CGN: variants seen among roughly 807,000 people sequenced by gnomAD.
CGN encodes the protein cingulin.
Under a neutral mutation model 157.1 loss-of-function variants are expected in CGN, and 121 were observed. That is an observed-to-expected ratio of 0.77 (90% confidence interval 0.66 to 0.90). CGN has a LOEUF of 0.90. CGN is among the 40% of genes least tolerant of loss of function. The probability of loss-of-function intolerance (pLI) is 0.00; values close to 1 mark genes in which losing one functional copy is unlikely to be tolerated. For synonymous variants in CGN, 535 were observed against 607.5 expected (o/e 0.88, Z 1.76); for missense variants, 1,424 against 1,520.9 (o/e 0.94, Z 1.06).
At position 151,530,630 on chromosome 1, in the gene CGN, C is replaced by G. The variant is rs1249422208; in HGVS notation, c.2455C>G (p.Leu819Val). 2 of 1,604,970 alleles carry G rather than the reference C, an allele frequency of 1.2e-6. No individual in the cohort carries two copies. Among genetic ancestry groups the G allele is most frequent in the African/African-American group, 1.3e-5 (1 of 74,726 alleles). Residue 819 changes from leucine (L) to valine (V), a missense_variant, in exon 13 of 21, where the codon CTG becomes GTG. Around this residue, in one of 3 missense-constraint regions of CGN, gnomAD observed 1,187 missense variants for 1,217.6 expected, o/e 0.97. Coordinates refer to ENST00000271636, the MANE Select transcript of CGN (RefSeq NM_020770.3). Reference sequence around the variant, plus strand: ...CCGCCTGGGGCAGGAGCAGCAGACACTGAACCGGGCCCTGGAGGAGGAAGG... The same window carrying G: ...CCGCCTGGGGCAGGAGCAGCAGACAGTGAACCGGGCCCTGGAGGAGGAAGG... ...LARLGQEQQT[L>V]NRALEEEGKQ...
chr1:151,537,465 C>A lies in CGN; in HGVS notation c.*119C>A. 5 of 812,620 alleles carry A rather than the reference C, an allele frequency of 6.2e-6. No homozygotes were observed. The highest frequency in any genetic ancestry group is 9.3e-6 in the Non-Finnish European group (5 of 537,774). The allele number at this position is 812,620 out of a possible 1,614,324, so 50.3% of individuals were successfully genotyped here. Reference sequence around the variant, plus strand: ...GTGACCCAATTATTCAGACCTAAGACAGGGAGGGGTCAGAGTGATGGTGAT... The same window carrying A: ...GTGACCCAATTATTCAGACCTAAGAAAGGGAGGGGTCAGAGTGATGGTGAT... On this transcript the variant is annotated 3_prime_UTR_variant, in exon 21 of 21. Coordinates refer to ENST00000271636, the MANE Select transcript of CGN (RefSeq NM_020770.3).
intron 18 of CGN, 45 bp downstream of exon 18, chr1:151,535,943 C>T: frequency 6.8e-7 from 1 of 1,463,472 alleles, no homozygotes. Context: ...CCTTTTCTTC[C>T]TCCCTCCCTC....
chr1:151,513,574 A>G (rs922270992), intron 1 of CGN, among the ~76,000 whole-genome samples: 4 of 152,160 alleles, frequency 2.6e-5, no homozygotes, highest in East Asian at 1.9e-4. Context: ...AAATCTGCCA[A>G]TTATTTAGCA....
At chr1:151,536,162 G>A (rs1664963883) in intron 18 of CGN, 75 bp from the exon 19 acceptor site, 1 of 944,286 alleles carries the variant, frequency 1.1e-6, no homozygotes, top group Non-Finnish European at 1.7e-6. Flanking sequence ...AGGAGTCCTT[G>A]GGGACAGTAG....
intron 1 of CGN, among the ~76,000 whole-genome samples, chr1:151,515,854 G>A (rs1664398228): frequency 6.6e-6 from 1 of 152,172 alleles, no homozygotes. Context: ...CTCTAGCCCA[G>A]TGCATTTTCT....
At chr1:151,536,377 C>G (rs537457538) in intron 19 of CGN, 32 bp downstream of exon 19, 2 of 1,213,172 alleles carry the variant, frequency 1.6e-6, no homozygotes, top group Admixed American at 1.7e-5. Flanking sequence ...GCCAAGCAAC[C>G]TGGGGCAGGT....
At position 151,511,598 on chromosome 1, in the gene CGN, G is replaced by C. The variant is rs1226905940; in HGVS notation, c.-15+83G>C. ...CCTTTGAGGGGCAGGCATCGAGGCG[G>C]TGTGAGATGCCCCTCTCCAGGGCAC... On this transcript the variant is annotated intron_variant, in intron 1 of 20. Transcript: ENST00000271636. The surrounding 1 kb of genome is among the most constrained non-coding windows in gnomAD (Gnocchi z 4.8). 4 of 153,424 alleles carry C rather than the reference G, an allele frequency of 2.6e-5. No individual in the cohort carries two copies. In the Admixed American group the frequency reaches 2.6e-4, roughly 10 times the overall value. 9.5% of individuals were successfully genotyped at this position (153,424 alleles called of 1,614,324 possible).
rs543697166 is a variant in CGN, at chr1:151,530,812, G to A, written c.2571+66G>A. ...GCTCATCCAGAAGCTGGCCTGAGAG[G>A]ACAGGGGCTTGGGGGAGAGGGGTTA... On this transcript the variant is annotated intron_variant, in intron 13 of 20. Transcript: ENST00000271636. 2.6e-6 allele frequency: 4 copies of A among 1,522,378 alleles called. No homozygotes were observed. The African/African-American group carries it at 4.1e-5, about 16-fold the overall frequency. The allele number at this position is 1,522,378 out of a possible 1,614,324, so 94.3% of individuals were successfully genotyped here. A position where few individuals can be genotyped will look rare whatever the true frequency, so the allele number is the denominator to read the frequency against.
rs145912252 is a variant in CGN at position 151,523,533 on chromosome 1, A to C, written c.1240A>C (p.Lys414Gln). Residue 414 changes from lysine (K) to glutamine (Q), a missense_variant, in exon 6 of 21, where the codon AAG (lysine) becomes CAG (glutamine). By Grantham distance (53) the Lys-to-Gln change is moderately conservative. This residue lies in a region of CGN where 1,187 missense variants were observed against 1,217.6 expected (regional missense o/e 0.97). Coordinates refer to ENST00000271636, the MANE Select transcript of CGN (RefSeq NM_020770.3). The part of the protein sequence containing the change: ...SRLQELLERR[K>Q]GEAQQSNKEL... ...ACTGCAGGAGCTGCTGGAGAGGAGGAAGGGGGAGGCCCAGCAGAGCAACAA... is the reference window on the plus strand; with the variant it reads ...ACTGCAGGAGCTGCTGGAGAGGAGGCAGGGGGAGGCCCAGCAGAGCAACAA... 486 of 1,612,022 alleles carry C rather than the reference A, an allele frequency of 3.0e-4. 2 individuals are homozygous for C. Among genetic ancestry groups the C allele is most frequent in the Middle Eastern group, 2.8e-3 (17 of 5,994 alleles).
At chr1:151,534,576 G>A (rs1438845556) in intron 15 of CGN, 3 of 244,298 alleles carry the variant, frequency 1.2e-5, no homozygotes, top group Non-Finnish European at 2.4e-5. Flanking sequence ...GGAAACTGAG[G>A]CACAGAGAGA....
Position 151,537,853 on chromosome 1 carries a change from C to T in CGN, c.*507C>T, listed in dbSNP as rs188912976. 232 of 153,330 alleles carry T rather than the reference C, an allele frequency of 1.5e-3. 1 individual carries two copies. The highest frequency in any genetic ancestry group is 0.014 in the Middle Eastern group (4 of 294). 9.5% of individuals were successfully genotyped at this position (153,330 alleles called of 1,614,324 possible). On this transcript the variant is annotated 3_prime_UTR_variant, in exon 21 of 21. Coordinates refer to ENST00000271636, the MANE Select transcript of CGN (RefSeq NM_020770.3). ...CCCATTTCTTTGCACAAGTATGGGGCCCATGTGGTAGTCCCCATACCCCTC... is the reference window on the plus strand; with the variant it reads ...CCCATTTCTTTGCACAAGTATGGGGTCCATGTGGTAGTCCCCATACCCCTC...
chr1:151,534,169 G>C (rs751484741), intron 15 of CGN, 33 bp downstream of exon 15: 11 of 1,541,022 alleles, frequency 7.1e-6, no homozygotes, highest in Non-Finnish European at 9.6e-6. Context: ...TGTGGAAAAA[G>C]GGTGGGACTT....
chr1:151,514,313 C>G (rs1426394451), intron 1 of CGN, among the ~76,000 whole-genome samples: 1 of 152,180 alleles, frequency 6.6e-6, no homozygotes, highest in African/African-American at 2.4e-5. Flanking sequence ...ACTCCTTGAC[C>G]TGGATCTGGA....
In CGN at chr1:151,532,432, G is replaced by T; in HGVS notation, c.2602G>T (p.Ala868Ser). 6.3e-7 allele frequency: 1 copy of T among 1,592,358 alleles called. No homozygotes were observed. The highest frequency in any genetic ancestry group is 1.1e-5 in the South Asian group (1 of 87,746). The change falls in exon 14 of 21, where the codon GCC becomes TCC. Residue 868 changes from alanine (A) to serine (S), a missense_variant. By Grantham distance (99) the Ala-to-Ser change is moderately conservative. Around this residue, in one of 3 missense-constraint regions of CGN, gnomAD observed 1,187 missense variants for 1,217.6 expected, o/e 0.97. Transcript: ENST00000271636. ...GAAGATCGGGGAGGACTCTAAGCAA[G>T]CCCTGCAGCAGCTCCAGGCCCAGCT... The part of the protein sequence containing the change: ...LEKIGEDSKQ[A>S]LQQLQAQLED...
intron 20 of CGN, 93 bp downstream of exon 20, chr1:151,536,986 C>T: frequency 7.2e-7 from 1 of 1,396,316 alleles, no homozygotes; most frequent in Non-Finnish European, 9.7e-7. Flanking sequence ...GAATCTCTAA[C>T]ATGGTACTGT....
At chr1:151,520,085 G>GA in intron 2 of CGN, 81 bp from the exon 3 acceptor site, 1 of 1,067,344 alleles carries the variant, frequency 9.4e-7, no homozygotes. Flanking sequence ...TCCTCCATCT[G>GA]AACCCCACGC....
rs375217233 is a variant in CGN, at chr1:151,529,549, A to G, written c.2096A>G (p.Glu699Gly). Reference sequence around the variant, plus strand: ...CAGCAACTGCGACAGGACTGTGAAGAGGCTTCCAAGGCAAGGGGAGTGGGC... The same window carrying G: ...CAGCAACTGCGACAGGACTGTGAAGGGGCTTCCAAGGCAAGGGGAGTGGGC... ...TLQQLRQDCE[E>G]ASKAKMVAEA... Residue 699 changes from glutamate to glycine, a missense_variant, in exon 11 of 21, where the codon GAG becomes GGG. Physicochemically the swap from Glu to Gly is moderately conservative, Grantham distance 98. Around this residue, in one of 3 missense-constraint regions of CGN, gnomAD observed 1,187 missense variants for 1,217.6 expected, o/e 0.97. Coordinates refer to ENST00000271636, the MANE Select transcript of CGN (RefSeq NM_020770.3). 1.9e-5 allele frequency: 30 copies of G among 1,613,134 alleles called. No individual in the cohort carries two copies. In the Middle Eastern group the frequency reaches 2.9e-3, roughly 155 times the overall value.
At chr1:151,513,936 T>TG (rs1664353890) in intron 1 of CGN, among the ~76,000 whole-genome samples, 1 of 152,110 alleles carries the variant, frequency 6.6e-6, no homozygotes. Flanking sequence ...GGTCAGGCAT[T>TG]GGTGAGGGCG....
At chr1:151,513,651 C>T (rs1002003309) in intron 1 of CGN, among the ~76,000 whole-genome samples, 1 of 152,148 alleles carries the variant, frequency 6.6e-6, no homozygotes, top group Non-Finnish European at 1.5e-5. Flanking sequence ...ACCCCACCCC[C>T]ACTTCCTGCC....
Sources: gnomAD v4.1 joint callset for allele counts (sites outside exome capture counted in the v4.1 genomes callset) on GRCh38, gnomAD v4.1.1 for gene constraint, gnomAD v4.1.1 regional missense constraint, Gnocchi (gnomAD v3.1) non-coding constraint, MANE v1.5 for transcripts, NCBI Gene and HGNC (gene_info 2026-07-23, HGNC 2026-07-21) for gene names.